UNC13C: variants seen among roughly 807,000 people sequenced by gnomAD.
UNC13C encodes the protein unc-13 homolog C, also known as protein unc-13 homolog C.
In UNC13C, 174 loss-of-function variants were observed where a neutral mutation model predicts 245.4. That is an observed-to-expected ratio of 0.71 (90% CI 0.63 to 0.80). The LOEUF (loss-of-function observed/expected upper bound fraction) is 0.80, where lower values mean the gene tolerates loss of function less well. UNC13C is among the 30% of genes least tolerant of loss of function. The probability of loss-of-function intolerance (pLI) is 0.00; values close to 1 mark genes in which losing one functional copy is unlikely to be tolerated. For missense variants in UNC13C, 2,829 were observed against 2,602.9 expected, an observed-to-expected ratio of 1.09 and a Z score of -1.89; for synonymous variants, 992 against 895.1, an observed-to-expected ratio of 1.11 and a Z score of -1.93.
chr15:54,347,800 T>G (rs1278582886), intron 17 of UNC13C, among the ~76,000 whole-genome samples: 6 of 152,140 alleles, frequency 3.9e-5, no homozygotes, highest in African/African-American at 1.4e-4. Flanking sequence ...ATGCTTAGTC[T>G]CTTTGTTTCC....
At chr15:53,941,565 G>A in the UNC13C span, among the ~76,000 whole-genome samples, 1 of 151,090 alleles carries the variant, frequency 6.6e-6, no homozygotes, top group Non-Finnish European at 1.5e-5. Flanking sequence ...TCTAATATCC[G>A]AGGTCTACAA....
At chr15:54,466,630 T>C (rs933617293) in intron 19 of UNC13C, among the ~76,000 whole-genome samples, 6 of 151,810 alleles carry the variant, frequency 4.0e-5, no homozygotes, top group Non-Finnish European at 5.9e-5. Flanking sequence ...AAATTATATA[T>C]GTGATTATTC....
the UNC13C span, among the ~76,000 whole-genome samples, chr15:53,905,258 T>C: frequency 1.3e-5 from 2 of 152,166 alleles, no homozygotes; most frequent in Admixed American, 6.5e-5. Flanking sequence ...TACTCTCATG[T>C]TCATTGCAGT....
intron 8 of UNC13C, among the ~76,000 whole-genome samples, chr15:54,253,653 G>A (rs896087230): frequency 6.6e-6 from 1 of 152,186 alleles, no homozygotes; most frequent in South Asian, 2.1e-4. Context: ...TGGAGGAGCA[G>A]GTTGTGACCC....
At chr15:53,997,083 G>T (rs141840268) in intron 1 of UNC13C, among the ~76,000 whole-genome samples, 1,953 of 152,070 alleles carry the variant, frequency 0.013, 14 homozygotes, top group South Asian at 0.033. Flanking sequence ...GGTGTAACCA[G>T]TCTTTAGAAA....
At chr15:54,389,761 A>T (rs192962367) in intron 17 of UNC13C, among the ~76,000 whole-genome samples, 1 of 149,676 alleles carries the variant, frequency 6.7e-6, no homozygotes, top group East Asian at 2.0e-4. Flanking sequence ...TGGAATCTCG[A>T]TCTGTTGTCC....
intron 4 of UNC13C, among the ~76,000 whole-genome samples, chr15:54,168,475 GTTCT>G (rs2033267275): frequency 6.6e-6 from 1 of 152,064 alleles, no homozygotes; most frequent in Non-Finnish European, 1.5e-5. Context: ...ATTGTAATTG[GTTCT>G]TTCTAATACA....
At chr15:54,175,695 T>G (rs1595950574) in intron 4 of UNC13C, among the ~76,000 whole-genome samples, 1 of 152,070 alleles carries the variant, frequency 6.6e-6, no homozygotes, top group Non-Finnish European at 1.5e-5. Context: ...GTATTTTTAA[T>G]AGAGACGGGG....
chr15:54,386,494 C>T (rs2039840314), intron 17 of UNC13C, among the ~76,000 whole-genome samples: 2 of 152,062 alleles, frequency 1.3e-5, no homozygotes, highest in Non-Finnish European at 2.9e-5. Context: ...GTGACACATC[C>T]TGTGTGATTT....
intron 4 of UNC13C, among the ~76,000 whole-genome samples, chr15:54,166,599 A>G (rs979615700): frequency 6.6e-6 from 1 of 152,160 alleles, no homozygotes; most frequent in African/African-American, 2.4e-5. Flanking sequence ...GATGATTTGT[A>G]TGGAAAACCT....
At position 54,622,197 on chromosome 15, in the gene UNC13C, A is replaced by G; in HGVS notation, c.6107-130A>G. Reference sequence around the variant, plus strand: ...CTTAAGTGAATATTTATCATCACCTATTACGCACTATTAATGGAAAGAACT... The same window carrying G: ...CTTAAGTGAATATTTATCATCACCTGTTACGCACTATTAATGGAAAGAACT... On this transcript the variant is annotated intron_variant, in intron 30 of 32. Coordinates refer to ENST00000260323, the MANE Select transcript of UNC13C (RefSeq NM_001080534.3). 3.0e-6 allele frequency: 2 copies of G among 663,062 alleles called. 1 individual carries two copies. The highest frequency in any genetic ancestry group is 3.6e-5 in the South Asian group (2 of 56,074). The allele number at this position is 663,062 out of a possible 1,614,324, so 41.1% of individuals were successfully genotyped here.
At chr15:53,851,641 C>T in the UNC13C span, among the ~76,000 whole-genome samples, 1 of 152,146 alleles carries the variant, frequency 6.6e-6, no homozygotes, top group African/African-American at 2.4e-5. Flanking sequence ...GTGCCCTGTA[C>T]CCTGGAGGAA....
At chr15:54,550,391 T>C (rs1032385853) in intron 28 of UNC13C, among the ~76,000 whole-genome samples, 4 of 152,072 alleles carry the variant, frequency 2.6e-5, no homozygotes, top group Admixed American at 2.6e-4. Flanking sequence ...TGAGTGTAAA[T>C]GAGACAAGAC....
At chr15:54,561,063 G>C (rs1240419111) in intron 29 of UNC13C, among the ~76,000 whole-genome samples, 2 of 151,868 alleles carry the variant, frequency 1.3e-5, no homozygotes, top group Non-Finnish European at 2.9e-5. Context: ...CAAAGGAGCT[G>C]ACTATTAAAT....
chr15:53,935,599 A>G, the UNC13C span, among the ~76,000 whole-genome samples: 1 of 152,178 alleles, frequency 6.6e-6, no homozygotes, highest in Non-Finnish European at 1.5e-5. Context: ...AGTTAATTCC[A>G]TATCTTCAAC....
chr15:54,476,751 C>T (rs1363843053), intron 19 of UNC13C, among the ~76,000 whole-genome samples: 2 of 147,454 alleles, frequency 1.4e-5, no homozygotes, highest in Admixed American at 6.8e-5. Context: ...ATGATGCCTC[C>T]AGCTTTGTTC....
At chr15:54,333,925 G>C in intron 16 of UNC13C, 69 bp downstream of exon 16, 1 of 1,140,110 alleles carries the variant, frequency 8.8e-7, no homozygotes, top group Non-Finnish European at 1.3e-6. Context: ...GTAAAGTCTT[G>C]CTTTACCCTC....
chr15:54,574,088 A>T (rs956306310), intron 30 of UNC13C, among the ~76,000 whole-genome samples: 3 of 152,144 alleles, frequency 2.0e-5, no homozygotes, highest in African/African-American at 7.2e-5. Context: ...AAGAAACATA[A>T]TTTTTTTTAA....
intron 30 of UNC13C, among the ~76,000 whole-genome samples, chr15:54,610,328 C>T (rs565554627): frequency 5.9e-4 from 89 of 152,132 alleles, no homozygotes; most frequent in African/African-American, 2.1e-3. Flanking sequence ...CTCCGCCTTC[C>T]GGGTTCAGCA....
Sources: allele counts gnomAD v4.1 joint callset (sites outside exome capture counted in the v4.1 genomes callset), GRCh38; gene constraint gnomAD v4.1.1; transcripts MANE v1.5; gene names NCBI Gene and HGNC (gene_info 2026-07-23, HGNC 2026-07-21).